ZFHX3: variants seen among roughly 807,000 people sequenced by gnomAD.
The protein encoded by ZFHX3 is zinc finger homeobox protein 3.
A neutral mutation model predicts 279.1 loss-of-function variants in ZFHX3; 42 were observed. The observed-to-expected ratio is 0.15, with a 90% CI of 0.12 to 0.19. ZFHX3 has a LOEUF of 0.19. Among genes scored for constraint, ZFHX3 ranks in the 10% least tolerant of loss-of-function variants. ZFHX3 has a pLI of 1.00. For missense variants in ZFHX3, 4,981 were observed against 4,754.0 expected, an observed-to-expected ratio of 1.05 and a Z score of -1.40; for synonymous variants, 2,293 against 1,957.8, an observed-to-expected ratio of 1.17 and a Z score of -4.52.
intron 1 of ZFHX3, among the ~76,000 whole-genome samples, chr16:73,820,410 C>T (rs1303292973): frequency 6.6e-6 from 1 of 152,168 alleles, no homozygotes; most frequent in East Asian, 1.9e-4. Context: ...CTTCTGCTCC[C>T]TCTTTCTTGG....
intron 1 of ZFHX3, among the ~76,000 whole-genome samples, chr16:73,780,176 C>T (rs1194411973): frequency 3.1e-5 from 3 of 96,684 alleles, no homozygotes; most frequent in Non-Finnish European, 5.9e-5. Context: ...GAGTCTTGCT[C>T]TATCCCCCAA....
intron 3 of ZFHX3, among the ~76,000 whole-genome samples, chr16:72,945,144 C>G (rs12596992): frequency 0.18 from 27,779 of 151,864 alleles, 3,724 homozygotes; most frequent in East Asian, 0.59. Flanking sequence ...ACCTATTGGA[C>G]GAATGTGGAT....
chr16:73,803,564 A>G (rs1960194477), intron 1 of ZFHX3, among the ~76,000 whole-genome samples: 1 of 152,236 alleles, frequency 6.6e-6, no homozygotes, highest in South Asian at 2.1e-4. Context: ...GCACAAATAT[A>G]TAATAAAATA....
chr16:73,447,945 G>C (rs1269763001), intron 3 of ZFHX3, among the ~76,000 whole-genome samples: 1 of 152,188 alleles, frequency 6.6e-6, no homozygotes, highest in Non-Finnish European at 1.5e-5. Context: ...TTGATGTGAG[G>C]TAAAGGAGTT....
At chr16:73,280,970 A>G (rs927692946) in intron 4 of ZFHX3, among the ~76,000 whole-genome samples, 5 of 148,510 alleles carry the variant, frequency 3.4e-5, no homozygotes, top group African/African-American at 5.0e-5. Context: ...GGGCAACAAG[A>G]CTGAAACTCC....
Position 72,802,244 on chromosome 16 carries a change from T to C in ZFHX3, c.3865-2115A>G, listed in dbSNP as rs1048556732. ...AAGAGAGACTTTTGCACTTGAAAGG[T>C]TGAAGTCAATCAAGTGTGAATGACG... is the stretch of plus-strand genomic sequence containing the variant. On this transcript the variant is annotated intron_variant, in intron 7 of 9. Transcript: ENST00000268489. Among the ~76,000 whole-genome samples the C allele has an allele frequency of 3.3e-5, 5 of 152,002 alleles. No individual in the cohort carries two copies. In the East Asian group the frequency reaches 5.8e-4, roughly 18 times the overall value.
At chr16:73,823,118 T>C (rs1960796689) in intron 1 of ZFHX3, among the ~76,000 whole-genome samples, 1 of 152,192 alleles carries the variant, frequency 6.6e-6, no homozygotes, top group Non-Finnish European at 1.5e-5. Context: ...GGAAACTGTA[T>C]TTGAGCCAAG....
rs771356540 is a variant in ZFHX3 at position 72,958,277 on chromosome 16, A to T, written c.1869T>A (p.Ala623=). 94 of 1,613,878 alleles carry T rather than the reference A, an allele frequency of 5.8e-5. No homozygotes were observed. The highest frequency in any genetic ancestry group is 3.3e-4 in the Middle Eastern group (2 of 6,084). The stretch of plus-strand genomic sequence containing the variant: ...CAACCCCAAGCTCGCAGAGGGAGCC[A>T]GCGTGCTGGTGATGGGGAACGAAGC... ...DGGFVPHHQH[A]GSLCELGVGE... Residue 623 remains alanine (A), a synonymous_variant, in exon 2 of 10, where the codon GCT becomes GCA. Transcript: ENST00000268489.
At chr16:73,704,945 G>A (rs2053288991) in intron 1 of ZFHX3, among the ~76,000 whole-genome samples, 2 of 152,138 alleles carry the variant, frequency 1.3e-5, no homozygotes, top group African/African-American at 4.8e-5. Context: ...AGGGAGCCCT[G>A]ATTTGTAGCA....
chr16:72,831,577 G>A (rs779230398), intron 4 of ZFHX3, among the ~76,000 whole-genome samples: 1 of 152,186 alleles, frequency 6.6e-6, no homozygotes, highest in Non-Finnish European at 1.5e-5. Context: ...GAGTAAACAT[G>A]TATAGGTGTC....
At chr16:73,042,168 T>G (rs759700439) in intron 1 of ZFHX3, among the ~76,000 whole-genome samples, 16 of 152,178 alleles carry the variant, frequency 1.1e-4, no homozygotes, top group African/African-American at 2.4e-4. Context: ...ACTTCCATAT[T>G]TGAACAGGCA....
intron 2 of ZFHX3, among the ~76,000 whole-genome samples, chr16:73,534,424 T>C (rs1567512198): frequency 6.6e-6 from 1 of 152,180 alleles, no homozygotes; most frequent in Non-Finnish European, 1.5e-5. Flanking sequence ...CCCTTCTGTC[T>C]CTCTCGGCTT....
chr16:72,944,675 T>G (rs967289610), intron 3 of ZFHX3, among the ~76,000 whole-genome samples: 39 of 152,354 alleles, frequency 2.6e-4, no homozygotes, highest in Admixed American at 3.9e-4. Context: ...ACAGTGAACA[T>G]GCATTACTCA....
At chr16:73,465,457 C>G (rs8063468) in intron 2 of ZFHX3, among the ~76,000 whole-genome samples, 1 of 152,098 alleles carries the variant, frequency 6.6e-6, no homozygotes, top group Non-Finnish European at 1.5e-5. Flanking sequence ...CTGCCTCGCC[C>G]GTCTCCTCCT....
intron 1 of ZFHX3, among the ~76,000 whole-genome samples, chr16:73,682,897 A>G (rs2053029982): frequency 9.9e-5 from 2 of 20,280 alleles, no homozygotes; most frequent in Non-Finnish European, 1.1e-4. Flanking sequence ...AAAGAAAGAA[A>G]GAAAGAAAGA....
chr16:73,032,956 G>A (rs369871834), intron 1 of ZFHX3, among the ~76,000 whole-genome samples: 23 of 152,278 alleles, frequency 1.5e-4, no homozygotes, highest in East Asian at 1.4e-3. Context: ...GCAGGGCTGC[G>A]GCCAGACCCC....
At chr16:73,139,706 A>G (rs1222073572) in intron 6 of ZFHX3, among the ~76,000 whole-genome samples, 1 of 152,226 alleles carries the variant, frequency 6.6e-6, no homozygotes. Context: ...CCAGGCTACA[A>G]CAGTCTAATT....
intron 1 of ZFHX3, among the ~76,000 whole-genome samples, chr16:73,745,345 C>T (rs1407126094): frequency 2.6e-5 from 4 of 152,170 alleles, no homozygotes; most frequent in African/African-American, 9.7e-5. Context: ...TCCTTAAGAG[C>T]AGAGGACAAG....
At chr16:73,756,151 A>G (rs969539487) in intron 1 of ZFHX3, among the ~76,000 whole-genome samples, 53 of 152,302 alleles carry the variant, frequency 3.5e-4, no homozygotes, top group Admixed American at 3.5e-3. Flanking sequence ...AAGAAAACAG[A>G]AGACCAGGTA....
Sources: allele counts gnomAD v4.1 joint callset (sites outside exome capture counted in the v4.1 genomes callset), GRCh38; gene constraint gnomAD v4.1.1; transcripts MANE v1.5; gene names NCBI Gene and HGNC (gene_info 2026-07-23, HGNC 2026-07-21).